Variants in DPF3 observed in about 807,000 individuals in gnomAD.
The protein encoded by DPF3 is double PHD fingers 3.
DPF3 carries 18 observed loss-of-function variants against 56.8 expected under a neutral mutation model. The ratio of observed to expected loss-of-function variants is 0.32; its 90% CI spans 0.22 to 0.47. DPF3 has a LOEUF of 0.47. Among genes scored for constraint, DPF3 ranks in the 20% least tolerant of loss-of-function variants. The probability of loss-of-function intolerance (pLI) is 1.00; values close to 1 mark genes in which losing one functional copy is unlikely to be tolerated. For synonymous variants in DPF3, 188 were observed against 180.2 expected (o/e 1.04, Z -0.35); for missense variants, 403 against 488.8 (o/e 0.82, Z 1.65).
rs547495694 is a variant in DPF3 at position 72,617,244 on chromosome 14, A to G, written c.*2053T>C. Among the ~76,000 whole-genome samples the G allele has an allele frequency of 6.6e-6, 1 of 152,224 alleles. No homozygotes were observed. Among genetic ancestry groups the G allele is most frequent in the Non-Finnish European group, 1.5e-5 (1 of 68,034 alleles). ...GTTTGGGGTTTCGGACTTGCTTTTTAAACTTTTAAGCTATTGTGGCACTTG... is the reference window on the plus strand; with the variant it reads ...GTTTGGGGTTTCGGACTTGCTTTTTGAACTTTTAAGCTATTGTGGCACTTG... On this transcript the variant is annotated 3_prime_UTR_variant, in exon 11 of 11. Transcript: ENST00000556509.
At chr14:72,732,800 GTTTC>G (rs1399709685) in intron 3 of DPF3, among the ~76,000 whole-genome samples, 2 of 152,080 alleles carry the variant, frequency 1.3e-5, no homozygotes, top group African/African-American at 4.8e-5. Context: ...GGGTTGGTGT[GTTTC>G]TTTCTTTTCT....
At chr14:72,809,011 A>G (rs1248148878) in intron 1 of DPF3, among the ~76,000 whole-genome samples, 1 of 152,174 alleles carries the variant, frequency 6.6e-6, no homozygotes. Flanking sequence ...TCTAATATTC[A>G]TACTCTCATA....
intron 1 of DPF3, among the ~76,000 whole-genome samples, chr14:72,885,177 G>A (rs1886494667): frequency 6.7e-6 from 1 of 149,774 alleles, no homozygotes; most frequent in Admixed American, 6.6e-5. Flanking sequence ...CCCTGTGGCT[G>A]GGGATGGGAG....
intron 2 of DPF3, among the ~76,000 whole-genome samples, chr14:72,761,198 T>C (rs1444026435): frequency 1.3e-5 from 2 of 152,074 alleles, no homozygotes; most frequent in African/African-American, 4.8e-5. Context: ...TGTAGAAGAT[T>C]TAAAAAACAT....
At chr14:72,772,704 C>T (rs1229862378) in intron 1 of DPF3, among the ~76,000 whole-genome samples, 1 of 152,086 alleles carries the variant, frequency 6.6e-6, no homozygotes, top group African/African-American at 2.4e-5. Context: ...AAGGTAGTGT[C>T]CTTTTCAAAG....
intron 6 of DPF3, among the ~76,000 whole-genome samples, chr14:72,694,847 AT>A (rs920771392): frequency 3.3e-5 from 5 of 152,318 alleles, no homozygotes; most frequent in African/African-American, 9.6e-5. Context: ...TTATAGGAGA[AT>A]TTTATCAACT....
intron 3 of DPF3, among the ~76,000 whole-genome samples, chr14:72,732,792 G>A (rs1175214233): frequency 3.9e-5 from 6 of 152,136 alleles, no homozygotes; most frequent in Non-Finnish European, 7.4e-5. Context: ...CTGACAGAGG[G>A]TTGGTGTGTT....
chr14:72,634,532 A>G (rs779844408), intron 8 of DPF3, among the ~76,000 whole-genome samples: 7 of 152,154 alleles, frequency 4.6e-5, no homozygotes, highest in Non-Finnish European at 1.0e-4. Context: ...TTCCAATTCA[A>G]AGGTGAAAGA....
chr14:72,629,312 T>G (rs1456644754), intron 9 of DPF3, among the ~76,000 whole-genome samples: 2 of 152,262 alleles, frequency 1.3e-5, no homozygotes, highest in East Asian at 3.8e-4. Flanking sequence ...TCTCTCTGCC[T>G]TTGTATATGT....
chr14:72,713,613 A>G (rs76577928), intron 6 of DPF3, among the ~76,000 whole-genome samples: 10 of 152,078 alleles, frequency 6.6e-5, no homozygotes, highest in Non-Finnish European at 8.8e-5. Context: ...GATCATTAGG[A>G]GTGTGGTGGT....
intron 6 of DPF3, among the ~76,000 whole-genome samples, chr14:72,707,677 C>CGTGTGTGT (rs34662853): frequency 6.7e-6 from 1 of 150,056 alleles, no homozygotes; most frequent in African/African-American, 2.4e-5. Flanking sequence ...CTTCTGTGTG[C>CGTGTGTGT]GTGTGTGTGT....
rs76298662 is a variant in DPF3, at chr14:72,853,981, G to A, written c.32+40076C>T. Among the ~76,000 whole-genome samples, 1,175 of 152,264 alleles carry A rather than the reference G, an allele frequency of 7.7e-3. 17 individuals are homozygous for A. Among genetic ancestry groups the A allele is most frequent in the African/African-American group, 0.027 (1,129 of 41,544 alleles). On this transcript the variant is annotated intron_variant, in intron 1 of 10. Transcript: ENST00000556509. ...GGCTCCTTGACTTGACTTCCTTAAC[G>A]ATGACTTGAGAAACACCAGAAAGTC...
intron 1 of DPF3, among the ~76,000 whole-genome samples, chr14:72,824,802 G>T (rs143671899): frequency 0.018 from 2,672 of 150,664 alleles, 75 homozygotes; most frequent in African/African-American, 0.061. Context: ...GAACTCCCGA[G>T]CTCAGGTGAT....
intron 1 of DPF3, among the ~76,000 whole-genome samples, chr14:72,861,735 AAG>A (rs369265790): frequency 2.2e-5 from 1 of 45,648 alleles, no homozygotes; most frequent in South Asian, 7.2e-4. Context: ...GAAAGAAAGA[AAG>A]AGAAAGAAAG....
At position 72,611,801 on chromosome 14, in the gene DPF3, G is replaced by T. The variant is rs1453777877; in HGVS notation, c.*7496C>A. 1.3e-5 allele frequency among the ~76,000 whole-genome samples: 2 copies of T among 152,086 alleles called. No homozygotes were observed. Among genetic ancestry groups the T allele is most frequent in the African/African-American group, 4.8e-5 (2 of 41,416 alleles). ...TCTGTTTTCTTCCCCCGACCCCTCA[G>T]CCTCCACAGGGTAGAAATCACTGGA... On this transcript the variant is annotated 3_prime_UTR_variant, in exon 11 of 11. Coordinates refer to ENST00000556509, the MANE Select transcript of DPF3 (RefSeq NM_001280542.3).
rs1002645688 is a variant in DPF3, at chr14:72,618,319, G to A, written c.*978C>T. Among the ~76,000 whole-genome samples, 1 of 152,200 alleles carries A rather than the reference G, an allele frequency of 6.6e-6. No homozygotes were observed. Among genetic ancestry groups the A allele is most frequent in the Non-Finnish European group, 1.5e-5 (1 of 68,038 alleles). ...TCAGAGCGTCGCATCAATACTGAAGGTTTCTCAAAGCTGCAGCCCCCTGTA... is the reference window on the plus strand; with the variant it reads ...TCAGAGCGTCGCATCAATACTGAAGATTTCTCAAAGCTGCAGCCCCCTGTA... On this transcript the variant is annotated 3_prime_UTR_variant, in exon 11 of 11. Coordinates refer to ENST00000556509, the MANE Select transcript of DPF3 (RefSeq NM_001280542.3).
At chr14:72,700,801 C>T (rs944843389) in intron 6 of DPF3, among the ~76,000 whole-genome samples, 2 of 152,216 alleles carry the variant, frequency 1.3e-5, no homozygotes, top group Non-Finnish European at 2.9e-5. Context: ...TGGATCATGA[C>T]AGCACACCTG....
At chr14:72,689,993 A>G (rs78472142) in intron 7 of DPF3, among the ~76,000 whole-genome samples, 9,708 of 151,944 alleles carry the variant, frequency 0.064, 737 homozygotes, top group African/African-American at 0.18. Flanking sequence ...GGGAATACCT[A>G]TTATTTTCTA....
chr14:72,799,090 AC>A (rs2139997434), intron 1 of DPF3, among the ~76,000 whole-genome samples: 1 of 152,186 alleles, frequency 6.6e-6, no homozygotes, highest in South Asian at 2.1e-4. Context: ...AGCAACTCAA[AC>A]CACTGGGCAG....
Sources: gnomAD v4.1 joint callset for allele counts (sites outside exome capture counted in the v4.1 genomes callset) on GRCh38, gnomAD v4.1.1 for gene constraint, MANE v1.5 for transcripts, NCBI Gene and HGNC (gene_info 2026-07-23, HGNC 2026-07-21) for gene names.